AFG2A: variants seen among roughly 807,000 people sequenced by gnomAD.
The protein encoded by AFG2A is ATPase family gene 2 protein homolog A.
At chr4:122,947,176 C>T in the AFG2A span, 183 of 1,463,916 alleles carry the variant, frequency 1.3e-4, no homozygotes, top group African/African-American at 5.8e-4. Flanking sequence ...GTGTGCCTCT[C>T]ACTTTTTTTT....
chr4:123,115,259 A>G, the AFG2A span, among the ~76,000 whole-genome samples: 137,921 of 151,976 alleles, frequency 0.91, 62,827 homozygotes, highest in East Asian at 0.98. Flanking sequence ...CCTCTGGGGC[A>G]GATCGCGGGC....
At chr4:123,007,621 T>C in the AFG2A span, among the ~76,000 whole-genome samples, 1 of 47,364 alleles carries the variant, frequency 2.1e-5, no homozygotes, top group Admixed American at 2.6e-4. Flanking sequence ...TATATATATA[T>C]ATATATATAC....
At chr4:123,053,664 A>G in the AFG2A span, among the ~76,000 whole-genome samples, 2 of 152,220 alleles carry the variant, frequency 1.3e-5, no homozygotes, top group South Asian at 4.1e-4. Flanking sequence ...TGTGTCTCCC[A>G]GCAGGTCCGT....
At chr4:123,286,133 G>A in the AFG2A span, among the ~76,000 whole-genome samples, 3 of 152,252 alleles carry the variant, frequency 2.0e-5, no homozygotes, top group African/African-American at 4.8e-5. Context: ...TCCTAAGTGA[G>A]TTGAGTTGCA....
the AFG2A span, among the ~76,000 whole-genome samples, chr4:123,245,834 T>C: frequency 6.6e-6 from 1 of 152,202 alleles, no homozygotes; most frequent in Non-Finnish European, 1.5e-5. Flanking sequence ...CTGTTTCAAA[T>C]GAATTATTTT....
chr4:122,987,695 A>G, the AFG2A span, among the ~76,000 whole-genome samples: 22 of 150,612 alleles, frequency 1.5e-4, no homozygotes, highest in Non-Finnish European at 1.5e-4. Context: ...CACAGACTCT[A>G]CTCTTTAATT....
At chr4:123,266,921 T>A in the AFG2A span, among the ~76,000 whole-genome samples, 5 of 152,002 alleles carry the variant, frequency 3.3e-5, no homozygotes, top group African/African-American at 1.2e-4. Flanking sequence ...GAAATAAGCA[T>A]ACCTCATTAT....
At chr4:123,003,700 T>A in the AFG2A span, among the ~76,000 whole-genome samples, 1 of 151,820 alleles carries the variant, frequency 6.6e-6, no homozygotes, top group Non-Finnish European at 1.5e-5. Flanking sequence ...CCGTGTGAGG[T>A]GTCAGTCTGC....
the AFG2A span, among the ~76,000 whole-genome samples, chr4:123,098,598 A>T: frequency 6.6e-6 from 1 of 152,034 alleles, no homozygotes. Flanking sequence ...GACTCCACAT[A>T]TAAGCAAGAT....
At chr4:123,234,340 T>C in the AFG2A span, among the ~76,000 whole-genome samples, 49 of 152,266 alleles carry the variant, frequency 3.2e-4, no homozygotes, top group Non-Finnish European at 6.3e-4. Context: ...CAAGCTTTTA[T>C]TTCCCTTTTT....
At chr4:122,947,170 G>A in the AFG2A span, 6 of 1,452,292 alleles carry the variant, frequency 4.1e-6, no homozygotes, top group South Asian at 1.5e-5. Context: ...GCCAGTGTGT[G>A]CCTCTCACTT....
the AFG2A span, among the ~76,000 whole-genome samples, chr4:123,192,452 C>T: frequency 6.6e-6 from 1 of 152,158 alleles, no homozygotes; most frequent in Non-Finnish European, 1.5e-5. Flanking sequence ...CAGATATGCA[C>T]CATCTAAAGA....
the AFG2A span, among the ~76,000 whole-genome samples, chr4:123,119,175 G>T: frequency 4.6e-5 from 7 of 151,694 alleles, no homozygotes; most frequent in African/African-American, 1.7e-4. Context: ...TAATTTCAAT[G>T]TCAAGTAATT....
At chr4:122,983,662 A>G in the AFG2A span, among the ~76,000 whole-genome samples, 3 of 152,174 alleles carry the variant, frequency 2.0e-5, no homozygotes, top group Non-Finnish European at 4.4e-5. Flanking sequence ...TTATGGACAG[A>G]AAAGATACGT....
the AFG2A span, among the ~76,000 whole-genome samples, chr4:123,045,758 T>C: frequency 1.3e-5 from 2 of 152,142 alleles, no homozygotes; most frequent in African/African-American, 4.8e-5. Flanking sequence ...CTCTTTTTCC[T>C]GTTAAGTTAA....
At chr4:122,945,320 T>C in the AFG2A span, among the ~76,000 whole-genome samples, 1 of 152,218 alleles carries the variant, frequency 6.6e-6, no homozygotes, top group Non-Finnish European at 1.5e-5. Flanking sequence ...TGCGGCTGCT[T>C]TGTTTACTGA....
chr4:123,058,860 A>T, the AFG2A span, among the ~76,000 whole-genome samples: 2 of 152,184 alleles, frequency 1.3e-5, no homozygotes, highest in Non-Finnish European at 2.9e-5. Context: ...AGAATCATTC[A>T]TGCCTTCTCA....
At chr4:123,120,009 C>G in the AFG2A span, among the ~76,000 whole-genome samples, 6 of 152,208 alleles carry the variant, frequency 3.9e-5, no homozygotes, top group African/African-American at 1.4e-4. Context: ...ATGGGGGAAG[C>G]TGCCCCCATG....
chr4:123,307,293 A>G, the AFG2A span, among the ~76,000 whole-genome samples: 42 of 152,034 alleles, frequency 2.8e-4, no homozygotes, highest in Non-Finnish European at 4.9e-4. Flanking sequence ...GGCCCACACC[A>G]CTACACCCAG....
Sources: gnomAD v4.1 joint callset for allele counts (sites outside exome capture counted in the v4.1 genomes callset) on GRCh38, gnomAD v4.1.1 for gene constraint, MANE v1.5 for transcripts, NCBI Gene and HGNC (gene_info 2026-07-23, HGNC 2026-07-21) for gene names.